Variants in P2RX7 observed in about 807,000 individuals in gnomAD.
The protein encoded by P2RX7 is purinergic receptor P2X 7.
P2RX7 carries 62 observed loss-of-function variants against 71.6 expected under a neutral mutation model. The observed-to-expected ratio is 0.87, with a 90% confidence interval of 0.71 to 1.07. The LOEUF is 1.07. Ranked by LOEUF, P2RX7 falls within the 50% of genes least tolerant of loss-of-function variation. P2RX7 has a pLI of 0.00. For missense variants in P2RX7, 686 were observed against 748.5 expected, an observed-to-expected ratio of 0.92 and a Z score of 0.97; for synonymous variants, 299 against 283.3, an observed-to-expected ratio of 1.06 and a Z score of -0.56.
At chr12:121,166,249 C>G in intron 7 of P2RX7, 62 bp downstream of exon 7, 1 of 1,563,714 alleles carries the variant, frequency 6.4e-7, no homozygotes. Flanking sequence ...GGATGTCAAA[C>G]AGCCAAGAGG....
chr12:121,151,926 C>T (rs1009347297), intron 1 of P2RX7, among the ~76,000 whole-genome samples: 2 of 152,114 alleles, frequency 1.3e-5, no homozygotes, highest in Non-Finnish European at 2.9e-5. Context: ...TGTGGTGGCA[C>T]GAGCTACCCA....
At chr12:121,133,260 G>GA (rs1872805563) in intron 1 of P2RX7, among the ~76,000 whole-genome samples, 165 bp downstream of exon 1, 1 of 152,220 alleles carries the variant, frequency 6.6e-6, no homozygotes, top group Non-Finnish European at 1.5e-5. Context: ...GCAGGCAAGA[G>GA]GAAACGGTGC....
intron 1 of P2RX7, among the ~76,000 whole-genome samples, chr12:121,150,621 A>C (rs910967682): frequency 2.0e-4 from 30 of 152,182 alleles, no homozygotes; most frequent in African/African-American, 6.8e-4. Flanking sequence ...TTTTTAAATA[A>C]ATGTTGGCCG....
At chr12:121,134,276 G>C (rs1489551453) in intron 1 of P2RX7, among the ~76,000 whole-genome samples, 5 of 152,184 alleles carry the variant, frequency 3.3e-5, no homozygotes, top group Admixed American at 1.3e-4. Context: ...ATGTGGAGCT[G>C]AATTTCACAG....
chr12:121,152,494 A>G (rs1466682448), intron 1 of P2RX7, among the ~76,000 whole-genome samples: 1 of 151,496 alleles, frequency 6.6e-6, no homozygotes, highest in African/African-American at 2.4e-5. Flanking sequence ...ACACACAGCT[A>G]ATTTTTGTTC....
At position 121,184,636 on chromosome 12, in the gene P2RX7, C is replaced by T. The variant is rs764983953; in HGVS notation, c.1622C>T (p.Thr541Ile). 3 of 1,607,976 alleles carry T rather than the reference C, an allele frequency of 1.9e-6. No homozygotes were observed. The highest frequency in any genetic ancestry group is 2.5e-6 in the Non-Finnish European group (3 of 1,177,498). Residue 541 changes from threonine (T) to isoleucine (I), a missense_variant, in exon 13 of 13, where the codon ACC becomes ATC. By Grantham distance (89) the Thr-to-Ile change is moderately conservative (BLOSUM62 -1). Transcript: ENST00000328963. The part of the protein sequence containing the change: ...EPLLALDVDS[T>I]NSRLRHCAYR... Reference sequence around the variant, plus strand: ...TTGCTGGCGCTGGATGTGGATTCCACCAACAGCCGGCTGCGGCACTGTGCC... The same window carrying T: ...TTGCTGGCGCTGGATGTGGATTCCATCAACAGCCGGCTGCGGCACTGTGCC...
chr12:121,179,692 A>G (rs796442238), intron 11 of P2RX7, among the ~76,000 whole-genome samples: 2 of 152,316 alleles, frequency 1.3e-5, no homozygotes, highest in South Asian at 2.1e-4. Flanking sequence ...TTTAACAAAC[A>G]TGTAAATAAT....
intron 9 of P2RX7, among the ~76,000 whole-genome samples, chr12:121,176,903 G>GT (rs1281634627): frequency 6.6e-6 from 1 of 152,012 alleles, no homozygotes; most frequent in Non-Finnish European, 1.5e-5. Context: ...TCCCCTTAAT[G>GT]TGTGGGCCCC....
intron 1 of P2RX7, among the ~76,000 whole-genome samples, chr12:121,137,208 ATC>A (rs1873895965): frequency 6.6e-6 from 1 of 152,156 alleles, no homozygotes; most frequent in Admixed American, 6.6e-5. Flanking sequence ...CCCTCCGTCA[ATC>A]TCTGTTCCCA....
intron 8 of P2RX7, among the ~76,000 whole-genome samples, chr12:121,170,488 T>C (rs1881959019): frequency 6.6e-6 from 1 of 152,104 alleles, no homozygotes; most frequent in South Asian, 2.1e-4. Flanking sequence ...AAATAAATTG[T>C]TGAGGGCCGG....
chr12:121,172,875 C>T (rs1882457859), intron 8 of P2RX7, among the ~76,000 whole-genome samples: 1 of 152,178 alleles, frequency 6.6e-6, no homozygotes, highest in Admixed American at 6.5e-5. Flanking sequence ...TCTTCTCTCC[C>T]TACATCTTGT....
chr12:121,175,931 C>T (rs1038015167), intron 9 of P2RX7, among the ~76,000 whole-genome samples: 1 of 152,088 alleles, frequency 6.6e-6, no homozygotes, highest in East Asian at 1.9e-4. Context: ...TGCCACCTTC[C>T]GTGTCTTATA....
intron 4 of P2RX7, 199 bp from the exon 5 acceptor site, chr12:121,162,225 T>A (rs756822208): frequency 1.4e-6 from 2 of 1,379,620 alleles, no homozygotes; most frequent in Non-Finnish European, 9.4e-7. Flanking sequence ...CTCTGATCTT[T>A]ATTATGTTTT....
In P2RX7 at chr12:121,184,437, G is replaced by A. The variant is rs367838751; in HGVS notation, c.1423G>A (p.Val475Ile). 25 of 1,614,042 alleles carry A rather than the reference G, an allele frequency of 1.5e-5. 1 individual carries two copies. The East Asian group carries it at 2.0e-4, about 13-fold the overall frequency. The change falls in exon 13 of 13, where the codon GTC becomes ATC. Residue 475 changes from valine to isoleucine, a missense_variant. Coordinates refer to ENST00000328963, the MANE Select transcript of P2RX7 (RefSeq NM_002562.6). ...EATPRSRDSP[V>I]WCQCGSCLPS... ...GACTCCTAGATCCAGGGATAGCCCC[G>A]TCTGGTGCCAGTGTGGAAGCTGCCT...
intron 12 of P2RX7, among the ~76,000 whole-genome samples, chr12:121,182,757 C>T (rs571018580): frequency 6.6e-6 from 1 of 152,316 alleles, no homozygotes; most frequent in Admixed American, 6.5e-5. Context: ...ACACTGTACA[C>T]TTAGGCTACA....
chr12:121,184,909 A>T lies in P2RX7; in HGVS notation c.*107A>T, dbSNP rs1230178582. On this transcript the variant is annotated 3_prime_UTR_variant, in exon 13 of 13. Coordinates refer to ENST00000328963, the MANE Select transcript of P2RX7 (RefSeq NM_002562.6). ...AGACCCGCCTGGCTAACAAGGCGAA[A>T]TCCTGTCTGTACTAAAAATACAAAA... 1.1e-5 allele frequency: 9 copies of T among 841,740 alleles called. No individual in the cohort carries two copies. The East Asian group carries it at 2.1e-4, about 20-fold the overall frequency. 52.1% of individuals were successfully genotyped at this position (841,740 alleles called of 1,614,324 possible). A position where few individuals can be genotyped will look rare whatever the true frequency, so the allele number is the denominator to read the frequency against.
At chr12:121,151,853 T>A (rs1055775155) in intron 1 of P2RX7, among the ~76,000 whole-genome samples, 5 of 152,122 alleles carry the variant, frequency 3.3e-5, no homozygotes, top group African/African-American at 1.2e-4. Flanking sequence ...TTCTGGATAT[T>A]TCATATAAAT....
Position 121,152,262 on chromosome 12 carries a change from T to G in P2RX7, c.126-2523T>G, listed in dbSNP as rs146310888. Among the ~76,000 whole-genome samples the G allele has an allele frequency of 1.5e-3, 229 of 152,320 alleles. 1 individual carries two copies. Among genetic ancestry groups the G allele is most frequent in the African/African-American group, 4.8e-3 (200 of 41,580 alleles). On this transcript the variant is annotated intron_variant, in intron 1 of 12. Transcript: ENST00000328963. ...TCCCAAAATGCTGAGATTACAGGTG[T>G]GAGACACTATGTCAGGCCTAGTCAA...
chr12:121,143,858 A>C (rs12830584), intron 1 of P2RX7, among the ~76,000 whole-genome samples: 1 of 152,200 alleles, frequency 6.6e-6, no homozygotes, highest in Non-Finnish European at 1.5e-5. Context: ...CTCAAAAAAA[A>C]GAAAGTCTCT....
Sources: allele counts gnomAD v4.1 joint callset (sites outside exome capture counted in the v4.1 genomes callset), GRCh38; gene constraint gnomAD v4.1.1; transcripts MANE v1.5; gene names NCBI Gene and HGNC (gene_info 2026-07-23, HGNC 2026-07-21).